SRL: variants seen among roughly 807,000 people sequenced by gnomAD.
SRL encodes sarcalumenin.
In SRL, 23 loss-of-function variants were observed where a neutral mutation model predicts 39.5. That is an observed-to-expected ratio of 0.58 (90% confidence interval 0.42 to 0.82). The LOEUF (loss-of-function observed/expected upper bound fraction) is 0.82. Ranked by LOEUF, SRL falls within the 40% of genes least tolerant of loss-of-function variation. The pLI is 0.00. For missense variants in SRL, 592 were observed against 607.8 expected, an observed-to-expected ratio of 0.97 and a Z score of 0.27; for synonymous variants, 272 against 237.4, an observed-to-expected ratio of 1.15 and a Z score of -1.34.
chr16:4,195,628 G>C lies in SRL; in HGVS notation c.535C>G (p.Pro179Ala). The C allele has an allele frequency of 6.2e-7, 1 of 1,614,222 alleles. No individual in the cohort carries two copies. Among genetic ancestry groups the C allele is most frequent in the East Asian group, 2.2e-5 (1 of 44,886 alleles). ...FLEKLIGIEVPHKLLERVTFV... is the reference protein window; with the variant it reads ...FLEKLIGIEVAHKLLERVTFV... Reference sequence around the variant, plus strand: ...GTGACCCTCTCCAGAAGTTTGTGGGGAACCTCAATGCCAATCAGCTTCTCT... The same window carrying C: ...GTGACCCTCTCCAGAAGTTTGTGGGCAACCTCAATGCCAATCAGCTTCTCT... The change falls in exon 5 of 6, where the codon CCC (proline) becomes GCC (alanine). Residue 179 changes from proline (P) to alanine (A), a missense_variant. Physicochemically the swap from Pro to Ala is conservative, Grantham distance 27 (BLOSUM62 -1). Coordinates refer to ENST00000399609, the MANE Select transcript of SRL (RefSeq NM_001098814.2).
chr16:4,214,408 T>G (rs1279558209), intron 1 of SRL, among the ~76,000 whole-genome samples: 1 of 152,206 alleles, frequency 6.6e-6, no homozygotes, highest in Admixed American at 6.5e-5. Flanking sequence ...AATCAGTCAT[T>G]AGTAACAGAA....
At chr16:4,241,610 T>A (rs1305242776) in intron 1 of SRL, among the ~76,000 whole-genome samples, 1 of 152,232 alleles carries the variant, frequency 6.6e-6, no homozygotes, top group African/African-American at 2.4e-5. Context: ...CTCCGCCTTA[T>A]ATCCCACCAG....
At chr16:4,232,237 T>A (rs954406693) in intron 1 of SRL, among the ~76,000 whole-genome samples, 9 of 152,220 alleles carry the variant, frequency 5.9e-5, no homozygotes, top group African/African-American at 2.2e-4. Context: ...CAGGACAGGG[T>A]GAGTACTTGA....
rs1354699109 is a variant in SRL, at chr16:4,241,893, A to G, written c.61+114T>C. 74 of 1,122,466 alleles carry G rather than the reference A, an allele frequency of 6.6e-5. 2 individuals carry two copies. The South Asian group carries it at 9.5e-4, about 14-fold the overall frequency. 69.5% of individuals were successfully genotyped at this position (1,122,466 alleles called of 1,614,324 possible). A position where few individuals can be genotyped will look rare whatever the true frequency, so the allele number is the denominator to read the frequency against. On this transcript the variant is annotated intron_variant, in intron 1 of 5. Transcript: ENST00000399609. ...GAGAAGGGTAAGAAGACACCAGCCA[A>G]GAGCCAGGGTTTGCCATCAGCCCCG... is the stretch of plus-strand genomic sequence containing the variant.
At chr16:4,210,719 G>A (rs1012057722) in intron 1 of SRL, among the ~76,000 whole-genome samples, 1 of 152,042 alleles carries the variant, frequency 6.6e-6, no homozygotes, top group Non-Finnish European at 1.5e-5. Context: ...CTGATCTCAA[G>A]GGATCCACCC....
At chr16:4,232,344 T>A (rs938714231) in intron 1 of SRL, among the ~76,000 whole-genome samples, 2 of 152,174 alleles carry the variant, frequency 1.3e-5, no homozygotes, top group African/African-American at 4.8e-5. Context: ...TAAGTAATCA[T>A]CTACTACTTG....
intron 1 of SRL, among the ~76,000 whole-genome samples, chr16:4,226,113 C>A (rs1327121944): frequency 6.6e-6 from 1 of 152,202 alleles, no homozygotes; most frequent in Non-Finnish European, 1.5e-5. Flanking sequence ...CTTCCCTGGC[C>A]ACCTACTGAA....
At chr16:4,198,595 C>A (rs1403037508) in intron 3 of SRL, among the ~76,000 whole-genome samples, 1 of 152,006 alleles carries the variant, frequency 6.6e-6, no homozygotes, top group African/African-American at 2.4e-5. Flanking sequence ...CAGGCATGCA[C>A]CACTATGCCC....
At chr16:4,222,469 T>C (rs1405791620) in intron 1 of SRL, among the ~76,000 whole-genome samples, 2 of 152,198 alleles carry the variant, frequency 1.3e-5, no homozygotes, top group Non-Finnish European at 2.9e-5. Context: ...GATACGGGGT[T>C]TTGCCATGTT....
rs1393578347 is a variant in SRL, at chr16:4,204,438, C to T, written c.163+95G>A. 37 of 1,143,128 alleles carry T rather than the reference C, an allele frequency of 3.2e-5. No individual in the cohort carries two copies. In the East Asian group the frequency reaches 5.9e-4, roughly 18 times the overall value. 70.8% of individuals were successfully genotyped at this position (1,143,128 alleles called of 1,614,324 possible). On this transcript the variant is annotated intron_variant, in intron 2 of 5. Coordinates refer to ENST00000399609, the MANE Select transcript of SRL (RefSeq NM_001098814.2). ...AGCCCCGGCCTCCAAGATACAGCCC[C>T]GGCACGCCCTGGCTCTCAGGAGCCT...
chr16:4,214,665 G>A (rs929457589), intron 1 of SRL, among the ~76,000 whole-genome samples: 1 of 152,106 alleles, frequency 6.6e-6, no homozygotes, highest in African/African-American at 2.4e-5. Flanking sequence ...CTGAACACTC[G>A]TGGACCGGGC....
Position 4,190,603 on chromosome 16 carries a change from A to G in SRL, c.*1550T>C, listed in dbSNP as rs1470255689. Reference sequence around the variant, plus strand: ...CTTGCAAGACTGTTACAAGTTCTCTACTCCCTAGAGTCTATGTGATCTCCC... The same window carrying G: ...CTTGCAAGACTGTTACAAGTTCTCTGCTCCCTAGAGTCTATGTGATCTCCC... On this transcript the variant is annotated 3_prime_UTR_variant, in exon 6 of 6. Transcript: ENST00000399609. The G allele has an allele frequency of 7.5e-6, 3 of 397,372 alleles. No homozygotes were observed. Among genetic ancestry groups the G allele is most frequent in the African/African-American group, 6.2e-5 (3 of 48,522 alleles). 24.6% of individuals were successfully genotyped at this position (397,372 alleles called of 1,614,324 possible).
intron 1 of SRL, among the ~76,000 whole-genome samples, chr16:4,220,383 G>C (rs1031288001): frequency 1.3e-5 from 2 of 151,816 alleles, no homozygotes; most frequent in South Asian, 2.1e-4. Context: ...GGGAGGTGGA[G>C]GCTGCAGTGA....
chr16:4,201,946 G>A (rs1402172494), intron 3 of SRL, among the ~76,000 whole-genome samples: 3 of 151,938 alleles, frequency 2.0e-5, no homozygotes, highest in Non-Finnish European at 2.9e-5. Flanking sequence ...GAGCCACCAC[G>A]CCCGCCCCTA....
At chr16:4,195,461 G>C in intron 5 of SRL, 92 bp downstream of exon 5, 2 of 1,260,834 alleles carry the variant, frequency 1.6e-6, no homozygotes, top group Non-Finnish European at 2.3e-6. Context: ...GTCTCCCAAA[G>C]AGTTGGGATC....
chr16:4,208,185 C>T (rs1406860429), intron 1 of SRL: 3 of 371,472 alleles, frequency 8.1e-6, no homozygotes, highest in African/African-American at 6.4e-5. Flanking sequence ...TAACCTAGCT[C>T]CCGTCTTCTG....
intron 1 of SRL, among the ~76,000 whole-genome samples, chr16:4,220,809 TG>T: frequency 6.6e-6 from 1 of 151,614 alleles, no homozygotes; most frequent in East Asian, 2.0e-4. Flanking sequence ...GGCAACATAG[TG>T]GGACCCCGAA....
At chr16:4,227,065 T>TGGAC (rs2052600091) in intron 1 of SRL, among the ~76,000 whole-genome samples, 1 of 150,024 alleles carries the variant, frequency 6.7e-6, no homozygotes, top group Non-Finnish European at 1.5e-5. Context: ...GATGGATGGA[T>TGGAC]GGATGGATGA....
At chr16:4,236,978 G>T (rs1195062857) in intron 1 of SRL, among the ~76,000 whole-genome samples, 1 of 147,374 alleles carries the variant, frequency 6.8e-6, no homozygotes, top group African/African-American at 2.5e-5. Context: ...GTCTCACTCA[G>T]TTGCCGAGGT....
Sources: gnomAD v4.1 joint callset for allele counts (sites outside exome capture counted in the v4.1 genomes callset) on GRCh38, gnomAD v4.1.1 for gene constraint, MANE v1.5 for transcripts, NCBI Gene and HGNC (gene_info 2026-07-23, HGNC 2026-07-21) for gene names.